RERE: variants seen among roughly 807,000 people sequenced by gnomAD.
RERE encodes the protein arginine-glutamic acid dipeptide repeats protein.
In RERE, 40 loss-of-function variants were observed where a neutral mutation model predicts 146.1. The observed-to-expected ratio is 0.27, with a 90% CI of 0.21 to 0.36. The LOEUF is 0.36. Among genes scored for constraint, RERE ranks in the 10% least tolerant of loss-of-function variants. The pLI is 1.00. For synonymous variants in RERE, 1,003 were observed against 866.0 expected, an observed-to-expected ratio of 1.16 and a Z score of -2.78; for missense variants, 1,933 against 2,138.7, an observed-to-expected ratio of 0.90 and a Z score of 1.90.
chr1:8,765,187 T>C (rs1425355055), intron 1 of RERE, among the ~76,000 whole-genome samples: 1 of 152,248 alleles, frequency 6.6e-6, no homozygotes, highest in Non-Finnish European at 1.5e-5. Context: ...GAAGTACAGA[T>C]GTTATGCTAC....
intron 3 of RERE, among the ~76,000 whole-genome samples, chr1:8,615,889 T>G (rs1397181280): frequency 7.7e-6 from 1 of 129,880 alleles, no homozygotes; most frequent in Non-Finnish European, 1.7e-5. Context: ...AAGATGACCA[T>G]CTAGAGTACA....
intron 1 of RERE, among the ~76,000 whole-genome samples, chr1:8,800,193 C>A (rs974513088): frequency 1.3e-5 from 2 of 151,664 alleles, no homozygotes; most frequent in Admixed American, 6.6e-5. Context: ...AGATTGGACA[C>A]CCCTGCAGTG....
At chr1:8,775,561 G>A (rs1413983751) in intron 1 of RERE, among the ~76,000 whole-genome samples, 1 of 152,176 alleles carries the variant, frequency 6.6e-6, no homozygotes, top group East Asian at 1.9e-4. Flanking sequence ...TGCAGCCTGG[G>A]CAACACAGTA....
intron 4 of RERE, among the ~76,000 whole-genome samples, chr1:8,596,666 G>C (rs1646558727): frequency 8.2e-6 from 1 of 122,636 alleles, no homozygotes; most frequent in African/African-American, 3.1e-5. Flanking sequence ...AAGCTACCAT[G>C]TCTGGCTTTT....
intron 7 of RERE, among the ~76,000 whole-genome samples, chr1:8,530,532 AG>A (rs1645630063): frequency 6.6e-6 from 1 of 152,170 alleles, no homozygotes; most frequent in African/African-American, 2.4e-5. Flanking sequence ...AGCAACACTC[AG>A]GAAATTCTAG....
At chr1:8,797,672 T>A (rs1226714548) in intron 1 of RERE, among the ~76,000 whole-genome samples, 1 of 152,246 alleles carries the variant, frequency 6.6e-6, no homozygotes, top group East Asian at 1.9e-4. Context: ...AAGTCAGGGT[T>A]TGTGTCACCT....
At chr1:8,604,046 C>CTAA (rs1350674878) in intron 4 of RERE, among the ~76,000 whole-genome samples, 3 of 152,102 alleles carry the variant, frequency 2.0e-5, no homozygotes, top group Admixed American at 2.0e-4. Context: ...CCTTCATTTG[C>CTAA]TAATGCTGGC....
chr1:8,576,817 T>C (rs1477360472), intron 4 of RERE, among the ~76,000 whole-genome samples: 4 of 152,340 alleles, frequency 2.6e-5, no homozygotes, highest in African/African-American at 9.6e-5. Context: ...CTGGGCAACA[T>C]CTACCAAAAT....
intron 11 of RERE, among the ~76,000 whole-genome samples, chr1:8,462,373 A>G (rs148270005): frequency 1.9e-3 from 286 of 152,382 alleles, no homozygotes; most frequent in African/African-American, 6.5e-3. Context: ...AGAAGTCAGC[A>G]CGAGGAGGCA....
chr1:8,703,246 C>G (rs1639493805), intron 1 of RERE: 2 of 149,908 alleles, frequency 1.3e-5, no homozygotes, highest in Non-Finnish European at 3.0e-5. Flanking sequence ...GGGCGCAGGT[C>G]CCGGCGGCTT....
chr1:8,771,561 A>G (rs1640951575), intron 1 of RERE, among the ~76,000 whole-genome samples: 1 of 151,252 alleles, frequency 6.6e-6, no homozygotes, highest in Non-Finnish European at 1.5e-5. Context: ...TCTATTTGCT[A>G]AATATTTTTT....
At chr1:8,448,189 C>T (rs1021786035) in intron 11 of RERE, among the ~76,000 whole-genome samples, 24 of 152,058 alleles carry the variant, frequency 1.6e-4, no homozygotes, top group African/African-American at 4.8e-4. Flanking sequence ...AATGTTTCTT[C>T]GATGACGTTT....
intron 1 of RERE, among the ~76,000 whole-genome samples, chr1:8,811,782 T>C (rs2124607653): frequency 6.6e-6 from 1 of 152,352 alleles, no homozygotes; most frequent in Middle Eastern, 3.4e-3. Context: ...CCATGCTTCC[T>C]CACAAGCTCT....
rs1337650659 is a variant in RERE at position 8,575,561 on chromosome 1, A to ATATATT, written c.523-18039_523-18038insAATATA. Among the ~76,000 whole-genome samples the ATATATT allele has an allele frequency of 1.2e-3, 118 of 98,644 alleles. 1 individual carries two copies. The highest frequency in any genetic ancestry group is 1.8e-3 in the Non-Finnish European group (94 of 52,416). The allele number at this position is 98,644 out of a possible 152,430, so 64.7% of individuals were successfully genotyped here. ...TATATATATATATATATATATATAT[A>ATATATT]TTTTTTTTTTTTTTGGCAGAGACAG... On this transcript the variant is annotated intron_variant, in intron 4 of 22. Coordinates refer to ENST00000400908, the MANE Select transcript of RERE (RefSeq NM_001042681.2).
intron 8 of RERE, among the ~76,000 whole-genome samples, chr1:8,501,380 T>TG (rs1442762305): frequency 2.1e-5 from 1 of 48,502 alleles, no homozygotes; most frequent in Non-Finnish European, 3.7e-5. Context: ...GGGAGGAAGG[T>TG]GGGGGGTCAG....
At chr1:8,375,342 T>G (rs1055418772) in intron 12 of RERE, among the ~76,000 whole-genome samples, 4 of 152,186 alleles carry the variant, frequency 2.6e-5, no homozygotes, top group Non-Finnish European at 4.4e-5. Context: ...TGACATTTTA[T>G]CTCCAAAAAA....
At chr1:8,615,162 CAAAG>C (rs1013950004) in intron 3 of RERE, among the ~76,000 whole-genome samples, 1 of 151,992 alleles carries the variant, frequency 6.6e-6, no homozygotes, top group African/African-American at 2.4e-5. Context: ...TTTGGGTGGC[CAAAG>C]AAAGGCCCTG....
chr1:8,439,031 G>C (rs925377163), intron 11 of RERE, among the ~76,000 whole-genome samples: 5 of 152,168 alleles, frequency 3.3e-5, no homozygotes, highest in Non-Finnish European at 7.4e-5. Flanking sequence ...CCAGTAAATC[G>C]TCTCCCAGTC....
chr1:8,811,623 T>C (rs1221592723), intron 1 of RERE, among the ~76,000 whole-genome samples: 1 of 152,146 alleles, frequency 6.6e-6, no homozygotes, highest in African/African-American at 2.4e-5. Flanking sequence ...AGAATCAGAC[T>C]TCTGGGAGCC....
Sources: allele counts gnomAD v4.1 joint callset (sites outside exome capture counted in the v4.1 genomes callset), GRCh38; gene constraint gnomAD v4.1.1; transcripts MANE v1.5; gene names NCBI Gene and HGNC (gene_info 2026-07-23, HGNC 2026-07-21).